Variants in NRP2 observed in about 807,000 individuals in gnomAD.
NRP2 encodes the protein neuropilin-2.
In NRP2, 52 loss-of-function variants were observed where a neutral mutation model predicts 110.4. The observed-to-expected ratio is 0.47, with a 90% confidence interval of 0.38 to 0.59. The LOEUF (loss-of-function observed/expected upper bound fraction) is 0.59, where lower values mean the gene tolerates loss of function less well. NRP2 is among the 20% of genes least tolerant of loss of function. The probability of loss-of-function intolerance (pLI) is 0.00; values close to 1 mark genes in which losing one functional copy is unlikely to be tolerated. For missense variants in NRP2, 1,049 were observed against 1,203.0 expected (o/e 0.87, Z 1.89); for synonymous variants, 508 against 468.9 (o/e 1.08, Z -1.08).
At position 205,743,455 on chromosome 2, in the gene NRP2, T is replaced by C; in HGVS notation, c.1544T>C (p.Val515Ala). 2 of 1,614,212 alleles carry C rather than the reference T, an allele frequency of 1.2e-6. No homozygotes were observed. The highest frequency in any genetic ancestry group is 1.1e-5 in the South Asian group (1 of 91,082). ...GARGGDSITA[V>A]EARAFVRKFK... ...CGCGGAGGAGACAGTATCACTGCTGTGGAAGCCAGAGCATTTGTGCGCAAG... is the reference window on the plus strand; with the variant it reads ...CGCGGAGGAGACAGTATCACTGCTGCGGAAGCCAGAGCATTTGTGCGCAAG... The change falls in exon 9 of 17, where the codon GTG (valine) becomes GCG (alanine). Residue 515 changes from valine (V) to alanine (A), a missense_variant. Val to Ala is a moderately conservative substitution (Grantham distance 64, BLOSUM62 0). Coordinates refer to ENST00000357785, the MANE Select transcript of NRP2 (RefSeq NM_003872.3).
chr2:205,737,792 G>A (rs7591030), intron 7 of NRP2, among the ~76,000 whole-genome samples: 18,318 of 152,244 alleles, frequency 0.12, 2,459 homozygotes, highest in African/African-American at 0.33. Context: ...TCAGGTAGAT[G>A]GCCTAGGGGA....
chr2:205,690,053 G>T (rs1485124965), intron 1 of NRP2, among the ~76,000 whole-genome samples: 1 of 152,234 alleles, frequency 6.6e-6, no homozygotes, highest in African/African-American at 2.4e-5. Flanking sequence ...AGTGCACGTG[G>T]CCGTGGTACC....
chr2:205,741,004 G>A (rs2057430097), intron 8 of NRP2, among the ~76,000 whole-genome samples: 1 of 152,134 alleles, frequency 6.6e-6, no homozygotes, highest in South Asian at 2.1e-4. Context: ...TAAAGAGCTA[G>A]GTCACTCACC....
At chr2:205,749,352 T>A (rs1473892435) in intron 10 of NRP2, among the ~76,000 whole-genome samples, 2 of 152,164 alleles carry the variant, frequency 1.3e-5, no homozygotes, top group African/African-American at 4.8e-5. Context: ...AAATCCATAT[T>A]CCCGTCCATC....
intron 15 of NRP2, chr2:205,777,647 C>T (rs2058120892): frequency 6.6e-6 from 1 of 152,118 alleles, no homozygotes; most frequent in Admixed American, 6.5e-5. Flanking sequence ...AAAACATATA[C>T]TTTGGTATTA....
At chr2:205,706,801 A>G (rs1419237834) in intron 2 of NRP2, among the ~76,000 whole-genome samples, 2 of 152,064 alleles carry the variant, frequency 1.3e-5, no homozygotes, top group Non-Finnish European at 2.9e-5. Context: ...TGTACTCTTC[A>G]CTGCCTGGGC....
At chr2:205,792,699 TG>T (rs1159243934) in intron 16 of NRP2, among the ~76,000 whole-genome samples, 2 of 152,280 alleles carry the variant, frequency 1.3e-5, no homozygotes, top group African/African-American at 4.8e-5. Context: ...TTCCCTGGCT[TG>T]GGGGAAACCT....
At chr2:205,777,070 C>T in intron 15 of NRP2, 1 of 995,592 alleles carries the variant, frequency 1.0e-6, no homozygotes, top group Non-Finnish European at 1.2e-6. Flanking sequence ...TGTTACTTCT[C>T]CTGGGGTACA....
chr2:205,781,274 G>C (rs2058170903), intron 15 of NRP2, among the ~76,000 whole-genome samples: 1 of 152,236 alleles, frequency 6.6e-6, no homozygotes, highest in Non-Finnish European at 1.5e-5. Flanking sequence ...ACAGGGCACT[G>C]TTACCACCAA....
intron 1 of NRP2, among the ~76,000 whole-genome samples, chr2:205,694,746 A>C (rs138722440): frequency 6.6e-6 from 1 of 152,362 alleles, no homozygotes; most frequent in East Asian, 1.9e-4. Flanking sequence ...GCTAATTTCT[A>C]TTGGGACATG....
chr2:205,714,309 G>C (rs2056852683), intron 2 of NRP2, among the ~76,000 whole-genome samples: 1 of 152,162 alleles, frequency 6.6e-6, no homozygotes. Context: ...GCCCAGCTCT[G>C]TCTGCTTCTG....
At chr2:205,729,630 G>A (rs1414895500) in intron 7 of NRP2, among the ~76,000 whole-genome samples, 1 of 152,248 alleles carries the variant, frequency 6.6e-6, no homozygotes, top group Non-Finnish European at 1.5e-5. Flanking sequence ...CACAGGCCCA[G>A]AGGGATACTG....
chr2:205,765,466 GC>G lies in NRP2; in HGVS notation c.2308-7del, dbSNP rs1266170079. On this transcript the variant is annotated splice_region_variant and splice_polypyrimidine_tract_variant and intron_variant, in intron 13 of 16. Coordinates refer to ENST00000357785, the MANE Select transcript of NRP2 (RefSeq NM_003872.3). ...GTTAACCATGGCTCTTATTCTTCCG[GC>G]TTCTAGATTGTGTTCGAGGGAGTGA... The G allele has an allele frequency of 1.2e-6, 2 of 1,613,094 alleles. No homozygotes were observed. The highest frequency in any genetic ancestry group is 1.7e-6 in the Non-Finnish European group (2 of 1,179,216).
chr2:205,739,682 CTTTTTT>C (rs3047659), intron 7 of NRP2, among the ~76,000 whole-genome samples: 15 of 124,952 alleles, frequency 1.2e-4, no homozygotes, highest in Non-Finnish European at 1.8e-4. Flanking sequence ...GCTCTAGTTA[CTTTTTT>C]TTTTTTTTTT....
At position 205,726,041 on chromosome 2, in the gene NRP2, G is replaced by A. The variant is rs1471663148; in HGVS notation, c.949G>A (p.Gly317Ser). Residue 317 changes from glycine (G) to serine (S), a missense_variant, in exon 6 of 17, where the codon GGC becomes AGC. Physicochemically the swap from Gly to Ser is moderately conservative, Grantham distance 56. Transcript: ENST00000357785. ...QQSRLHGDDN[G>S]WTPNLDSNKE... Reference sequence around the variant, plus strand: ...AAGCCGGCTCCATGGTGATGACAATGGCTGGACCCCCAACTTGGATTCCAA... The same window carrying A: ...AAGCCGGCTCCATGGTGATGACAATAGCTGGACCCCCAACTTGGATTCCAA... The A allele has an allele frequency of 1.9e-6, 3 of 1,614,090 alleles. No homozygotes were observed. Among genetic ancestry groups the A allele is most frequent in the Non-Finnish European group, 2.5e-6 (3 of 1,180,044 alleles).
Position 205,716,331 on chromosome 2 carries a change from G to A in NRP2, c.390G>A (p.Arg130=), listed in dbSNP as rs532731194. Residue 130 remains arginine, a synonymous_variant, in exon 3 of 17, where the codon CGG becomes CGA. Transcript: ENST00000357785. ...TCAAGTTCACCTCCGACTACGCCCGGCAGGGGGCAGGCTTCTCTCTGCGCT... is the reference window on the plus strand; with the variant it reads ...TCAAGTTCACCTCCGACTACGCCCGACAGGGGGCAGGCTTCTCTCTGCGCT... ...LYIKFTSDYA[R]QGAGFSLRYE... is the part of the protein sequence containing the mutation. The A allele has an allele frequency of 2.5e-6, 4 of 1,614,126 alleles. No homozygotes were observed. Among genetic ancestry groups the A allele is most frequent in the Non-Finnish European group, 3.4e-6 (4 of 1,180,014 alleles).
At chr2:205,756,422 CA>C (rs1340113289) in intron 12 of NRP2, 6 of 152,128 alleles carry the variant, frequency 3.9e-5, no homozygotes, top group Non-Finnish European at 8.8e-5. Flanking sequence ...AGAACCGAGA[CA>C]AAAACTCATA....
At chr2:205,770,498 T>A (rs139683497) in intron 15 of NRP2, among the ~76,000 whole-genome samples, 39 of 152,214 alleles carry the variant, frequency 2.6e-4, no homozygotes, top group Middle Eastern at 3.4e-3. Context: ...TTCTCTCCTT[T>A]CCCATTCCCA....
At chr2:205,723,321 G>A (rs1314011609) in intron 4 of NRP2, among the ~76,000 whole-genome samples, 2 of 152,184 alleles carry the variant, frequency 1.3e-5, no homozygotes, top group African/African-American at 4.8e-5. Flanking sequence ...TGTAGTCATT[G>A]TAAGTTTTTT....
Sources: gnomAD v4.1 joint callset for allele counts (sites outside exome capture counted in the v4.1 genomes callset) on GRCh38, gnomAD v4.1.1 for gene constraint, MANE v1.5 for transcripts, NCBI Gene and HGNC (gene_info 2026-07-23, HGNC 2026-07-21) for gene names.